Variants in SH3TC1 observed in about 807,000 individuals in gnomAD.
SH3TC1 encodes the protein SH3 domain and tetratricopeptide repeat-containing protein 1.
SH3TC1 carries 135 observed loss-of-function variants against 117.3 expected under a neutral mutation model. The ratio of observed to expected loss-of-function variants is 1.15; its 90% CI spans 1.00 to 1.33. The LOEUF (loss-of-function observed/expected upper bound fraction) is 1.33, where lower values mean the gene tolerates loss of function less well. Ranked by LOEUF, SH3TC1 falls within the 40% of genes most tolerant of loss-of-function variation. SH3TC1 has a pLI of 0.00. For synonymous variants in SH3TC1, 898 were observed against 816.9 expected (o/e 1.10, Z -1.69); for missense variants, 2,092 against 1,794.3 (o/e 1.17, Z -3.00).
intron 1 of SH3TC1, among the ~76,000 whole-genome samples, chr4:8,184,167 T>G (rs532831853): frequency 6.6e-6 from 1 of 152,200 alleles, no homozygotes; most frequent in Non-Finnish European, 1.5e-5. Flanking sequence ...GTATCTCTAT[T>G]AGGTTAAATG....
chr4:8,233,696 T>C (rs1721470565), intron 14 of SH3TC1, among the ~76,000 whole-genome samples, 183 bp downstream of exon 14: 1 of 149,874 alleles, frequency 6.7e-6, no homozygotes, highest in Non-Finnish European at 1.5e-5. Flanking sequence ...CATCCATCCA[T>C]CATCCATCCA....
At chr4:8,189,949 G>A (rs993722139) in intron 1 of SH3TC1, among the ~76,000 whole-genome samples, 83 of 152,350 alleles carry the variant, frequency 5.4e-4, no homozygotes, top group African/African-American at 1.8e-3. Context: ...AGACATGGAA[G>A]AGGGAGCCGG....
chr4:8,236,461 C>T, intron 16 of SH3TC1, 33 bp downstream of exon 16: 2 of 1,411,210 alleles, frequency 1.4e-6, no homozygotes, highest in South Asian at 1.5e-5. Context: ...CTGCCAGGAC[C>T]CACACTTTGC....
At chr4:8,236,541 A>G in intron 16 of SH3TC1, 113 bp downstream of exon 16, 1 of 1,363,730 alleles carries the variant, frequency 7.3e-7, no homozygotes, top group South Asian at 1.6e-5. Context: ...TCTCCTGTCC[A>G]GGCAGGCACA....
intron 7 of SH3TC1, 130 bp from the exon 8 acceptor site, chr4:8,218,139 CGT>C: frequency 1.9e-5 from 11 of 590,610 alleles, no homozygotes; most frequent in South Asian, 4.2e-5. Context: ...TGTGTGTGCA[CGT>C]GTGTGTGTTG....
intron 3 of SH3TC1, 94 bp from the exon 4 acceptor site, chr4:8,212,607 T>C: frequency 6.4e-7 from 1 of 1,555,966 alleles, no homozygotes; most frequent in Non-Finnish European, 8.7e-7. Flanking sequence ...CGGGGTCAGG[T>C]GTGTGGGTTG....
chr4:8,205,022 C>T lies in SH3TC1; in HGVS notation c.-28-145C>T, dbSNP rs767294046. 16 of 572,582 alleles carry T rather than the reference C, an allele frequency of 2.8e-5. No homozygotes were observed. The highest frequency in any genetic ancestry group is 3.3e-5 in the South Asian group (1 of 30,290). The allele number at this position is 572,582 out of a possible 1,614,324, so 35.5% of individuals were successfully genotyped here. Reference sequence around the variant, plus strand: ...ATCACGCCCACCACAACACGGTGCACGGTGCGGTGAGGGGCTCGCTGGATC... The same window carrying T: ...ATCACGCCCACCACAACACGGTGCATGGTGCGGTGAGGGGCTCGCTGGATC... On this transcript the variant is annotated intron_variant, in intron 1 of 17. Transcript: ENST00000245105. This position sits in a 1 kb window ranked among gnomAD's most constrained non-coding sequence, Gnocchi z 5.4.
Position 8,236,445 on chromosome 4 carries a change from C to T in SH3TC1, c.3556+17C>T, listed in dbSNP as rs1432391135. The T allele has an allele frequency of 7.0e-7, 1 of 1,427,610 alleles. No homozygotes were observed. Among genetic ancestry groups the T allele is most frequent in the Non-Finnish European group, 9.2e-7 (1 of 1,082,460 alleles). 88.4% of individuals were successfully genotyped at this position (1,427,610 alleles called of 1,614,324 possible). A position where few individuals can be genotyped will look rare whatever the true frequency, so the allele number is the denominator to read the frequency against. ...TCACCCTGGGTAAGCCCCCTGAGCC[C>T]CTGCCCTGCCAGGACCCACACTTTG... On this transcript the variant is annotated intron_variant, in intron 16 of 17. Transcript: ENST00000245105.
Position 8,205,351 on chromosome 4 carries a change from G to A in SH3TC1, c.157G>A (p.Ala53Thr), listed in dbSNP as rs757838916. The A allele has an allele frequency of 6.5e-7, 1 of 1,548,604 alleles. No homozygotes were observed. Among genetic ancestry groups the A allele is most frequent in the South Asian group, 1.2e-5 (1 of 83,874 alleles). Residue 53 changes from alanine (A) to threonine (T), a missense_variant, in exon 2 of 18, where the codon GCG becomes ACG. Coordinates refer to ENST00000245105, the MANE Select transcript of SH3TC1 (RefSeq NM_018986.5). The surrounding 1 kb of genome is among the most constrained non-coding windows in gnomAD (Gnocchi z 5.4). Reference sequence around the variant, plus strand: ...GAAAGCGGGGCCCGAGGAGGCCAAGGCGCCAGTGAGAGGCGGTGAGTTCAT... The same window carrying A: ...GAAAGCGGGGCCCGAGGAGGCCAAGACGCCAGTGAGAGGCGGTGAGTTCAT... ...WEKAGPEEAK[A>T]PVRGDEAPPA...
intron 1 of SH3TC1, among the ~76,000 whole-genome samples, chr4:8,203,910 A>G (rs1718000004): frequency 6.6e-6 from 1 of 152,148 alleles, no homozygotes. Flanking sequence ...CCCAGAGAGC[A>G]GGGTGGAAGT....
rs1001449022 is a variant in SH3TC1, at chr4:8,205,948, C to T, written c.172+582C>T. ...AGACCAAGGCCTGCACGGCCCCTCC[C>T]GGCAGGAGACAGCTGCGGTTGTGAC... is the stretch of plus-strand genomic sequence containing the variant. On this transcript the variant is annotated intron_variant, in intron 2 of 17. Transcript: ENST00000245105. This position sits in a 1 kb window ranked among gnomAD's most constrained non-coding sequence, Gnocchi z 5.4. 8.6e-6 allele frequency: 4 copies of T among 463,614 alleles called. No homozygotes were observed. The highest frequency in any genetic ancestry group is 3.8e-5 in the South Asian group (1 of 26,302). 28.7% of individuals were successfully genotyped at this position (463,614 alleles called of 1,614,324 possible). A position where few individuals can be genotyped will look rare whatever the true frequency, so the allele number is the denominator to read the frequency against.
chr4:8,205,166 G>A lies in SH3TC1; in HGVS notation c.-28-1G>A, dbSNP rs939679358. On this transcript the variant is annotated splice_acceptor_variant, in intron 1 of 17. Transcript: ENST00000245105. LOFTEE classifies it low-confidence loss of function (5UTR_SPLICE). The surrounding 1 kb of genome is among the most constrained non-coding windows in gnomAD (Gnocchi z 5.4). ...CCTGACCACACCCCCTCTGTCCACA[G>A]GGCCAGGCATGTGAGGTCTCTGCGG... The A allele has an allele frequency of 6.8e-7, 1 of 1,481,418 alleles. No homozygotes were observed. The highest frequency in any genetic ancestry group is 2.5e-5 in the Admixed American group (1 of 40,048). The allele number at this position is 1,481,418 out of a possible 1,614,324, so 91.8% of individuals were successfully genotyped here.
At position 8,228,625 on chromosome 4, in the gene SH3TC1, G is replaced by A; in HGVS notation, c.2931G>A (p.Val977=). 1 of 1,515,706 alleles carries A rather than the reference G, an allele frequency of 6.6e-7. No homozygotes were observed. Among genetic ancestry groups the A allele is most frequent in the East Asian group, 2.3e-5 (1 of 42,978 alleles). The allele number at this position is 1,515,706 out of a possible 1,614,324, so 93.9% of individuals were successfully genotyped here. A position where few individuals can be genotyped will look rare whatever the true frequency, so the allele number is the denominator to read the frequency against. Residue 977 remains valine (V), a synonymous_variant, in exon 12 of 18, where the codon GTG becomes GTA. Coordinates refer to ENST00000245105, the MANE Select transcript of SH3TC1 (RefSeq NM_018986.5). ...ACGAGTGGGCCCTTCTGGTCGCCGT[G>A]GAGATGGGCCACGTGGAGAGTGAGT... ...GYYEWALLVA[V]EMGHVESQLR... is the part of the protein sequence containing the mutation.
At position 8,232,098 on chromosome 4, in the gene SH3TC1, C is replaced by T; in HGVS notation, c.3073C>T (p.Leu1025=). 15 of 1,612,346 alleles carry T rather than the reference C, an allele frequency of 9.3e-6. No individual in the cohort carries two copies. The highest frequency in any genetic ancestry group is 1.3e-5 in the Non-Finnish European group (15 of 1,179,736). The change falls in exon 13 of 18, where the codon CTG becomes TTG. Residue 1025 remains leucine (L), a synonymous_variant. Coordinates refer to ENST00000245105, the MANE Select transcript of SH3TC1 (RefSeq NM_018986.5). ...SLACKVADKV[L]EGQLLETISQ... ...GGCCTGCAAGGTGGCCGACAAGGTG[C>T]TGGAGGGGCAGCTCCTGGAGACCAT...
chr4:8,232,227 G>T, intron 13 of SH3TC1, 71 bp downstream of exon 13: 1 of 1,341,086 alleles, frequency 7.5e-7, no homozygotes, highest in Non-Finnish European at 9.8e-7. Flanking sequence ...GGGGCACAGG[G>T]AAGCTGGCCC....
chr4:8,224,135 C>T (rs1282814712), intron 10 of SH3TC1, among the ~76,000 whole-genome samples: 1 of 152,216 alleles, frequency 6.6e-6, no homozygotes, highest in Non-Finnish European at 1.5e-5. Flanking sequence ...GCACCTTCCT[C>T]ACAAGGTGTA....
chr4:8,214,443 G>A, intron 4 of SH3TC1, 32 bp from the exon 5 acceptor site: 1 of 1,598,178 alleles, frequency 6.3e-7, no homozygotes, highest in Non-Finnish European at 8.6e-7. Flanking sequence ...AGCTCCTGGG[G>A]ACCTCTCGAA....
At chr4:8,236,204 T>G (rs1003052275) in intron 15 of SH3TC1, 74 bp from the exon 16 acceptor site, 121 of 1,449,246 alleles carry the variant, frequency 8.3e-5, no homozygotes, top group Non-Finnish European at 1.1e-4. Context: ...TCCGAGCACA[T>G]GTTTGAGCTC....
At chr4:8,235,247 C>A (rs373530284) in intron 14 of SH3TC1, among the ~76,000 whole-genome samples, 186 bp from the exon 15 acceptor site, 3 of 152,228 alleles carry the variant, frequency 2.0e-5, no homozygotes, top group African/African-American at 7.2e-5. Context: ...CCTCCTGGCA[C>A]TCGGGTGCAT....
Sources: allele counts gnomAD v4.1 joint callset (sites outside exome capture counted in the v4.1 genomes callset), GRCh38; gene constraint gnomAD v4.1.1; non-coding constraint Gnocchi (gnomAD v3.1); transcripts MANE v1.5; gene names NCBI Gene and HGNC (gene_info 2026-07-23, HGNC 2026-07-21).